The following LDB2 variants were observed in gnomAD, a reference collection of about 807,000 sequenced individuals.
The protein encoded by LDB2 is LIM domain binding 2.
Under a neutral mutation model 44.3 loss-of-function variants are expected in LDB2, and 12 were observed. The ratio of observed to expected loss-of-function variants is 0.27; its 90% CI spans 0.17 to 0.44. The LOEUF is 0.44. LDB2 is among the 20% of genes least tolerant of loss of function. The pLI is 1.00. For missense variants in LDB2, 344 were observed against 473.5 expected (o/e 0.73, Z 2.54); for synonymous variants, 164 against 174.8 (o/e 0.94, Z 0.49).
At chr4:16,828,572 A>C (rs1475906176) in intron 1 of LDB2, among the ~76,000 whole-genome samples, 3 of 152,222 alleles carry the variant, frequency 2.0e-5, no homozygotes, top group Non-Finnish European at 4.4e-5. Flanking sequence ...TTAACAGCAG[A>C]ATCCCCTGTA....
At chr4:16,544,494 G>A (rs1416671942) in intron 5 of LDB2, among the ~76,000 whole-genome samples, 1 of 152,174 alleles carries the variant, frequency 6.6e-6, no homozygotes, top group Non-Finnish European at 1.5e-5. Context: ...AAGCATAAAA[G>A]GCTCAATCTG....
rs950753582 is a variant in LDB2 at position 16,789,593 on chromosome 4, C to A, written c.133-30333G>T. 2.0e-5 allele frequency among the ~76,000 whole-genome samples: 3 copies of A among 152,204 alleles called. No homozygotes were observed. The South Asian group carries it at 6.2e-4, about 31-fold the overall frequency. On this transcript the variant is annotated intron_variant, in intron 1 of 7. Transcript: ENST00000304523. ...CATTTGTCCATTTACTCACTGCTTA[C>A]TATGTTCCAGACACTCACCGAATAT...
chr4:16,638,537 A>G (rs1734237620), intron 2 of LDB2, among the ~76,000 whole-genome samples: 2 of 152,236 alleles, frequency 1.3e-5, no homozygotes, highest in Non-Finnish European at 2.9e-5. Context: ...AAGAACTTCA[A>G]AAATGAAATG....
chr4:16,669,034 T>C (rs1157188506), intron 2 of LDB2, among the ~76,000 whole-genome samples: 4 of 152,222 alleles, frequency 2.6e-5, no homozygotes, highest in Non-Finnish European at 5.9e-5. Context: ...CTTCACAGAC[T>C]GAGCATAAGC....
chr4:16,736,524 T>G (rs1761944715), intron 2 of LDB2, among the ~76,000 whole-genome samples: 1 of 152,224 alleles, frequency 6.6e-6, no homozygotes, highest in Non-Finnish European at 1.5e-5. Context: ...GGGATGTTAA[T>G]GGCTTTACTA....
intron 5 of LDB2, among the ~76,000 whole-genome samples, chr4:16,573,433 T>TG (rs1388389233): frequency 6.6e-6 from 1 of 152,202 alleles, no homozygotes; most frequent in Non-Finnish European, 1.5e-5. Context: ...AGATGAGTCA[T>TG]GCACTCCCAG....
At chr4:16,535,302 C>T (rs2152311730) in intron 5 of LDB2, among the ~76,000 whole-genome samples, 1 of 152,316 alleles carries the variant, frequency 6.6e-6, no homozygotes, top group Non-Finnish European at 1.5e-5. Flanking sequence ...CCTGCCACCC[C>T]TTCTCATCAC....
At chr4:16,511,003 A>G (rs1304691174) in intron 6 of LDB2, among the ~76,000 whole-genome samples, 1 of 152,236 alleles carries the variant, frequency 6.6e-6, no homozygotes, top group East Asian at 1.9e-4. Context: ...TATATTTGAA[A>G]AATAATATTC....
intron 1 of LDB2, among the ~76,000 whole-genome samples, chr4:16,879,451 C>T (rs1259321150): frequency 6.6e-6 from 1 of 152,178 alleles, no homozygotes; most frequent in Admixed American, 6.5e-5. Context: ...ACACAGCCCT[C>T]CCCAGTGGGG....
At chr4:16,505,919 T>C (rs1719229225) in intron 7 of LDB2, 1 of 1,551,514 alleles carries the variant, frequency 6.4e-7, no homozygotes, top group South Asian at 1.2e-5. Flanking sequence ...GTCACTGCTG[T>C]TGAATGACAC....
chr4:16,659,337 C>A (rs941562104), intron 2 of LDB2, among the ~76,000 whole-genome samples: 7 of 152,074 alleles, frequency 4.6e-5, no homozygotes, highest in African/African-American at 1.7e-4. Context: ...TCCCCGGAGC[C>A]GCTCCATTAA....
intron 5 of LDB2, among the ~76,000 whole-genome samples, chr4:16,520,108 A>C (rs1055733967): frequency 9.9e-5 from 15 of 151,224 alleles, no homozygotes; most frequent in African/African-American, 3.4e-4. Flanking sequence ...GTTCAACTCC[A>C]CAGCCAGGTT....
chr4:16,823,153 C>T (rs1782424697), intron 1 of LDB2, among the ~76,000 whole-genome samples: 1 of 152,228 alleles, frequency 6.6e-6, no homozygotes, highest in African/African-American at 2.4e-5. Context: ...CACATCAGTA[C>T]TGTCACCATA....
chr4:16,614,231 C>A lies in LDB2; in HGVS notation c.236-18356G>T, dbSNP rs552001771. Among the ~76,000 whole-genome samples, 15 of 152,248 alleles carry A rather than the reference C, an allele frequency of 9.9e-5. No individual in the cohort carries two copies. The South Asian group carries it at 3.1e-3, about 32-fold the overall frequency. On this transcript the variant is annotated intron_variant, in intron 2 of 7. Coordinates refer to ENST00000304523, the MANE Select transcript of LDB2 (RefSeq NM_001290.5). ...GCTAGCCCTATATAGAAAACTGAAA[C>A]CAGACCCCTTCCTTAACACCTTATA...
intron 2 of LDB2, among the ~76,000 whole-genome samples, chr4:16,702,103 A>G (rs1753583671): frequency 6.6e-6 from 1 of 152,208 alleles, no homozygotes; most frequent in African/African-American, 2.4e-5. Context: ...AACTCTAGAA[A>G]TCTATAAATG....
At chr4:16,614,598 A>C (rs1346321724) in intron 2 of LDB2, among the ~76,000 whole-genome samples, 1 of 150,254 alleles carries the variant, frequency 6.7e-6, no homozygotes, top group Non-Finnish European at 1.5e-5. Context: ...AAAAAAAAAA[A>C]AAACAAGCAA....
At chr4:16,503,227 TG>T (rs1718004553) in intron 7 of LDB2, 1 of 1,280,198 alleles carries the variant, frequency 7.8e-7, no homozygotes, top group African/African-American at 1.5e-5. Flanking sequence ...TGGAACCTTC[TG>T]CTGGGTGCTT....
At chr4:16,844,484 T>A (rs1786554773) in intron 1 of LDB2, among the ~76,000 whole-genome samples, 1 of 152,174 alleles carries the variant, frequency 6.6e-6, no homozygotes, top group African/African-American at 2.4e-5. Context: ...CTCTCTCATA[T>A]CCCTTTTTAT....
chr4:16,614,624 T>C (rs989118294), intron 2 of LDB2, among the ~76,000 whole-genome samples: 1 of 131,202 alleles, frequency 7.6e-6, no homozygotes, highest in African/African-American at 2.8e-5. Context: ...TCAAAAAAAG[T>C]GGGCAAAGGA....
Sources: gnomAD v4.1 joint callset for allele counts (sites outside exome capture counted in the v4.1 genomes callset) on GRCh38, gnomAD v4.1.1 for gene constraint, MANE v1.5 for transcripts, NCBI Gene and HGNC (gene_info 2026-07-23, HGNC 2026-07-21) for gene names.